SLC25A48: variants seen among roughly 807,000 people sequenced by gnomAD.
SLC25A48 encodes the protein solute carrier family 25 member 48.
Under a neutral mutation model 32.2 loss-of-function variants are expected in SLC25A48, and 29 were observed. The observed-to-expected ratio is 0.90, with a 90% CI of 0.67 to 1.23. The LOEUF is 1.23. Ranked by LOEUF, SLC25A48 falls within the 50% of genes most tolerant of loss-of-function variation. The probability of loss-of-function intolerance (pLI) is 0.00; values close to 1 mark genes in which losing one functional copy is unlikely to be tolerated. For synonymous variants in SLC25A48, 164 were observed against 172.3 expected (o/e 0.95, Z 0.38); for missense variants, 399 against 422.7 (o/e 0.94, Z 0.49).
intron 3 of SLC25A48, chr5:135,635,077 A>G (rs1752668131): frequency 6.6e-6 from 1 of 152,212 alleles, no homozygotes; most frequent in South Asian, 2.1e-4. Flanking sequence ...TCTGTTCCAC[A>G]TGGGAACAGG....
intron 3 of SLC25A48, chr5:135,803,121 G>A (rs898868091): frequency 4.6e-5 from 7 of 151,180 alleles, no homozygotes; most frequent in Non-Finnish European, 7.4e-5. Flanking sequence ...TATCACAGTG[G>A]GTGTACACCT....
rs1015191210 is a variant in SLC25A48, at chr5:135,834,762, C to T, written c.-86C>T. ...GCTCGAGACTCCGACTTCGGTCTTG[C>T]GGCGCGCTCGCGCCCGCGGGCCATG... On this transcript the variant is annotated 5_prime_UTR_variant, in exon 1 of 8. Coordinates refer to ENST00000681962, the MANE Select transcript of SLC25A48 (RefSeq NM_001349336.2). The T allele has an allele frequency of 8.5e-6, 12 of 1,413,528 alleles. No individual in the cohort carries two copies. In the African/African-American group the frequency reaches 1.4e-4, roughly 17 times the overall value. 87.6% of individuals were successfully genotyped at this position (1,413,528 alleles called of 1,614,324 possible).
chr5:135,686,423 G>T (rs1754021562), intron 3 of SLC25A48, among the ~76,000 whole-genome samples: 1 of 152,144 alleles, frequency 6.6e-6, no homozygotes, highest in African/African-American at 2.4e-5. Context: ...CCAGTTCCTT[G>T]GATAACTGTA....
At chr5:135,766,781 G>C (rs77595948) in intron 3 of SLC25A48, among the ~76,000 whole-genome samples, 2,426 of 151,428 alleles carry the variant, frequency 0.016, 46 homozygotes, top group African/African-American at 0.044. Flanking sequence ...ATAATATACG[G>C]GGTGGGAGAG....
intron 3 of SLC25A48, among the ~76,000 whole-genome samples, chr5:135,680,909 AGTT>A (rs1283380515): frequency 6.6e-6 from 1 of 152,086 alleles, no homozygotes; most frequent in Admixed American, 6.5e-5. Flanking sequence ...GGCCATTTGA[AGTT>A]GTCTCACAGC....
chr5:135,637,580 T>G (rs1303711570), intron 3 of SLC25A48, among the ~76,000 whole-genome samples: 1 of 152,206 alleles, frequency 6.6e-6, no homozygotes, highest in Non-Finnish European at 1.5e-5. Context: ...GCAATTTTAT[T>G]TAACCCAGCA....
intron 3 of SLC25A48, among the ~76,000 whole-genome samples, chr5:135,682,580 C>T (rs1344662114): frequency 6.6e-6 from 1 of 152,158 alleles, no homozygotes; most frequent in Non-Finnish European, 1.5e-5. Flanking sequence ...CTAATCACCA[C>T]AATACTTTGG....
intron 6 of SLC25A48, among the ~76,000 whole-genome samples, chr5:135,877,888 G>A (rs115806399): frequency 0.017 from 2,567 of 152,308 alleles, 32 homozygotes; most frequent in Non-Finnish European, 0.028. Flanking sequence ...GAGGGGACCA[G>A]AAGAGGCCCA....
At chr5:135,842,768 G>C (rs1355767205) in intron 2 of SLC25A48, among the ~76,000 whole-genome samples, 5 of 152,204 alleles carry the variant, frequency 3.3e-5, no homozygotes, top group Non-Finnish European at 7.3e-5. Flanking sequence ...CCTTGTTCTG[G>C]GATGTTCCCT....
chr5:135,658,812 T>C (rs1219171050), intron 3 of SLC25A48, among the ~76,000 whole-genome samples: 1 of 152,234 alleles, frequency 6.6e-6, no homozygotes, highest in Non-Finnish European at 1.5e-5. Context: ...GCTTACACCC[T>C]CTCAAGCAAC....
At chr5:135,799,595 A>G (rs1222324488) in intron 3 of SLC25A48, among the ~76,000 whole-genome samples, 1 of 151,202 alleles carries the variant, frequency 6.6e-6, no homozygotes, top group African/African-American at 2.4e-5. Context: ...TGTTAATATT[A>G]CTCCAAATAT....
At chr5:135,826,012 T>A (rs1758036729) in intron 4 of SLC25A48, 1 of 152,262 alleles carries the variant, frequency 6.6e-6, no homozygotes, top group Admixed American at 6.5e-5. Flanking sequence ...GCGGGGAGGC[T>A]CCCAGAGGTC....
At chr5:135,580,684 A>AT in intron 1 of SLC25A48, among the ~76,000 whole-genome samples, 4 of 152,220 alleles carry the variant, frequency 2.6e-5, no homozygotes, top group East Asian at 1.9e-4. Context: ...TCTAAAAATA[A>AT]TTTTTTAAAA....
At chr5:135,885,254 C>A (rs912948346) in intron 7 of SLC25A48, among the ~76,000 whole-genome samples, 1 of 152,132 alleles carries the variant, frequency 6.6e-6, no homozygotes, top group Non-Finnish European at 1.5e-5. Context: ...CTCATCATTT[C>A]CCCCATCCCA....
intron 3 of SLC25A48, among the ~76,000 whole-genome samples, chr5:135,692,038 C>T (rs1754153795): frequency 6.6e-6 from 1 of 152,180 alleles, no homozygotes; most frequent in South Asian, 2.1e-4. Context: ...GGTAGGCAGT[C>T]CGGGCGCGGT....
intron 3 of SLC25A48, among the ~76,000 whole-genome samples, chr5:135,685,391 T>C (rs1359536030): frequency 6.6e-6 from 1 of 151,302 alleles, no homozygotes; most frequent in East Asian, 1.9e-4. Flanking sequence ...GTTAGCTCTT[T>C]ATCTTAGGTA....
At chr5:135,606,502 A>T (rs1186558076) in intron 1 of SLC25A48, among the ~76,000 whole-genome samples, 2 of 152,124 alleles carry the variant, frequency 1.3e-5, no homozygotes, top group Non-Finnish European at 2.9e-5. Flanking sequence ...GGCTCTTTTC[A>T]TCCTTGCTGC....
intron 4 of SLC25A48, among the ~76,000 whole-genome samples, chr5:135,825,468 C>T (rs1245944942): frequency 6.6e-6 from 1 of 152,170 alleles, no homozygotes; most frequent in East Asian, 1.9e-4. Flanking sequence ...ACACCCCTCC[C>T]AGCAGGGTGC....
chr5:135,671,120 G>A (rs1753643925), intron 3 of SLC25A48, among the ~76,000 whole-genome samples: 1 of 152,162 alleles, frequency 6.6e-6, no homozygotes, highest in South Asian at 2.1e-4. Flanking sequence ...CAGCTGTGTG[G>A]GGAAAGATGA....
Sources: allele counts gnomAD v4.1 joint callset (sites outside exome capture counted in the v4.1 genomes callset), GRCh38; gene constraint gnomAD v4.1.1; transcripts MANE v1.5; gene names NCBI Gene and HGNC (gene_info 2026-07-23, HGNC 2026-07-21).